Variants in TBC1D8 observed in about 807,000 individuals in gnomAD.
TBC1D8 encodes BUB2-like protein 1.
TBC1D8 carries 65 observed loss-of-function variants against 118.8 expected under a neutral mutation model. The ratio of observed to expected loss-of-function variants is 0.55; its 90% CI spans 0.45 to 0.67. The LOEUF (loss-of-function observed/expected upper bound fraction) is 0.67, where lower values mean the gene tolerates loss of function less well. TBC1D8 is among the 30% of genes least tolerant of loss of function. The pLI is 0.00. For synonymous variants in TBC1D8, 566 were observed against 595.8 expected (o/e 0.95, Z 0.73); for missense variants, 1,376 against 1,471.2 (o/e 0.94, Z 1.06).
At chr2:101,008,498 C>T (rs1326478381) in intron 19 of TBC1D8, among the ~76,000 whole-genome samples, 1 of 152,150 alleles carries the variant, frequency 6.6e-6, no homozygotes, top group Non-Finnish European at 1.5e-5. Context: ...AGGATGTGCA[C>T]ACCCTTTAAC....
intron 16 of TBC1D8, 61 bp from the exon 17 acceptor site, chr2:101,021,807 C>T: frequency 9.1e-7 from 1 of 1,104,576 alleles, no homozygotes; most frequent in Non-Finnish European, 1.3e-6. Context: ...TGTCAGGACA[C>T]AAACTCACTG....
chr2:101,018,511 A>G (rs1323667751), intron 17 of TBC1D8, among the ~76,000 whole-genome samples: 5 of 152,254 alleles, frequency 3.3e-5, no homozygotes, highest in African/African-American at 9.6e-5. Context: ...GGAAACTTCT[A>G]TTCCTTCACA....
intron 2 of TBC1D8, chr2:101,068,559 C>T (rs1231728865): frequency 1.1e-5 from 6 of 555,296 alleles, no homozygotes; most frequent in Non-Finnish European, 3.3e-6. Context: ...CCCTTAAAAT[C>T]TCTGACTCTG....
chr2:101,143,470 CAT>C (rs1482632503), intron 1 of TBC1D8, among the ~76,000 whole-genome samples: 3 of 152,142 alleles, frequency 2.0e-5, no homozygotes, highest in Non-Finnish European at 2.9e-5. Context: ...AATTCATACA[CAT>C]GTGCTTGTTG....
At chr2:101,106,854 T>G (rs1370572844) in intron 1 of TBC1D8, among the ~76,000 whole-genome samples, 13 of 152,238 alleles carry the variant, frequency 8.5e-5, no homozygotes, top group African/African-American at 2.9e-4. Context: ...TTCAATACAT[T>G]ACATGAGATA....
chr2:101,148,446 T>C (rs1354189499), intron 1 of TBC1D8, among the ~76,000 whole-genome samples: 2 of 152,032 alleles, frequency 1.3e-5, no homozygotes, highest in African/African-American at 2.4e-5. Flanking sequence ...AAAAAATAAA[T>C]TGGTATATTG....
intron 17 of TBC1D8, among the ~76,000 whole-genome samples, chr2:101,015,435 T>C (rs1679554791): frequency 6.6e-6 from 1 of 152,230 alleles, no homozygotes; most frequent in Non-Finnish European, 1.5e-5. Context: ...TCATCTTCAA[T>C]AATAAATTAA....
intron 9 of TBC1D8, among the ~76,000 whole-genome samples, chr2:101,035,603 C>G (rs529691400): frequency 1.2e-3 from 188 of 152,242 alleles, no homozygotes; most frequent in African/African-American, 4.1e-3. Flanking sequence ...CTCATGGCAG[C>G]CACACTCTGA....
intron 1 of TBC1D8, among the ~76,000 whole-genome samples, chr2:101,124,132 T>G (rs1292138988): frequency 6.6e-6 from 1 of 152,104 alleles, no homozygotes; most frequent in Non-Finnish European, 1.5e-5. Context: ...CAGTGAGCAC[T>G]TCCCTCCCAC....
intron 4 of TBC1D8, among the ~76,000 whole-genome samples, chr2:101,051,220 C>T (rs769852996): frequency 6.6e-6 from 1 of 152,134 alleles, no homozygotes; most frequent in South Asian, 2.1e-4. Flanking sequence ...AATGAACATA[C>T]GCACGTATGT....
At chr2:101,040,066 G>A in intron 6 of TBC1D8, 112 bp downstream of exon 6, 1 of 1,257,836 alleles carries the variant, frequency 8.0e-7, no homozygotes, top group Non-Finnish European at 1.1e-6. Context: ...ATCTTTAGAT[G>A]GCAAAACTGT....
chr2:101,078,012 C>A (rs1316858975), intron 2 of TBC1D8, among the ~76,000 whole-genome samples: 2 of 152,104 alleles, frequency 1.3e-5, no homozygotes, highest in African/African-American at 4.8e-5. Context: ...CCGGACCCAC[C>A]AACTGGCCCA....
intron 16 of TBC1D8, 125 bp downstream of exon 16, chr2:101,022,156 T>C (rs1193030436): frequency 1.4e-6 from 2 of 1,466,944 alleles, no homozygotes; most frequent in Non-Finnish European, 1.8e-6. Context: ...AATCATAAGT[T>C]CATGTCAGGC....
intron 1 of TBC1D8, among the ~76,000 whole-genome samples, chr2:101,105,716 C>T (rs985330383): frequency 1.3e-5 from 2 of 151,604 alleles, no homozygotes; most frequent in Admixed American, 6.6e-5. Context: ...AAAAAACTGA[C>T]GATACCAATT....
At chr2:101,061,009 A>G (rs1682720046) in intron 2 of TBC1D8, among the ~76,000 whole-genome samples, 1 of 151,764 alleles carries the variant, frequency 6.6e-6, no homozygotes, top group Non-Finnish European at 1.5e-5. Flanking sequence ...CCTACATGAT[A>G]AAACTCCATC....
chr2:101,050,577 C>T lies in TBC1D8; in HGVS notation c.696G>A (p.Thr232=), dbSNP rs752738298. 2.5e-6 allele frequency: 4 copies of T among 1,613,830 alleles called. No individual in the cohort carries two copies. The highest frequency in any genetic ancestry group is 3.3e-4 in the Middle Eastern group (2 of 6,084). ...KLERTSNVFL[T]DTIRITTQNK... Reference sequence around the variant, plus strand: ...TCTGCGTGGTGATTCGGATGGTATCCGTCAGAAAGACATTGGACGTTCTTT... The same window carrying T: ...TCTGCGTGGTGATTCGGATGGTATCTGTCAGAAAGACATTGGACGTTCTTT... Residue 232 remains threonine (T), a synonymous_variant, in exon 5 of 20, where the codon ACG becomes ACA. Transcript: ENST00000409318.
chr2:101,125,221 G>C (rs1328378515), intron 1 of TBC1D8, among the ~76,000 whole-genome samples: 1 of 152,128 alleles, frequency 6.6e-6, no homozygotes, highest in Non-Finnish European at 1.5e-5. Flanking sequence ...CCAGGGTTCA[G>C]ATTCTGACAA....
intron 1 of TBC1D8, among the ~76,000 whole-genome samples, chr2:101,119,888 A>G (rs1268013336): frequency 6.6e-6 from 1 of 152,166 alleles, no homozygotes; most frequent in East Asian, 1.9e-4. Flanking sequence ...ACACCAATCA[A>G]ATATTCCAGC....
rs1235182177 is a variant in TBC1D8 at position 101,054,329 on chromosome 2, A to G, written c.410T>C (p.Ile137Thr). ...GAGCCTGCTGCTGGTCTCCTCGGCT[A>G]TCAGAGCCTGACACACAGAGATGAC... ...SFVKGKVKALIAEETSSRLAE... is the reference protein window; with the variant it reads ...SFVKGKVKALTAEETSSRLAE... The change falls in exon 4 of 20, where the codon ATA becomes ACA. Residue 137 changes from isoleucine to threonine, a missense_variant. Physicochemically the swap from Ile to Thr is moderately conservative, Grantham distance 89. Coordinates refer to ENST00000409318, the MANE Select transcript of TBC1D8 (RefSeq NM_001330348.2). 1 of 1,560,112 alleles carries G rather than the reference A, an allele frequency of 6.4e-7. No individual in the cohort carries two copies. The highest frequency in any genetic ancestry group is 2.4e-5 in the East Asian group (1 of 41,724).
Sources: gnomAD v4.1 joint callset for allele counts (sites outside exome capture counted in the v4.1 genomes callset) on GRCh38, gnomAD v4.1.1 for gene constraint, MANE v1.5 for transcripts, NCBI Gene and HGNC (gene_info 2026-07-23, HGNC 2026-07-21) for gene names.